Variants in RNF13 observed in about 807,000 individuals in gnomAD.
RNF13 encodes ring finger protein 13.
RNF13 carries 19 observed loss-of-function variants against 37.7 expected under a neutral mutation model. The ratio of observed to expected loss-of-function variants is 0.50; its 90% confidence interval spans 0.35 to 0.74. The LOEUF is 0.74. Among genes scored for constraint, RNF13 ranks in the 30% least tolerant of loss-of-function variants. The pLI is 0.01. For synonymous variants in RNF13, 144 were observed against 157.8 expected, an observed-to-expected ratio of 0.91 and a Z score of 0.65; for missense variants, 375 against 453.0, an observed-to-expected ratio of 0.83 and a Z score of 1.56.
intron 1 of RNF13, among the ~76,000 whole-genome samples, chr3:149,836,356 A>G (rs1262049981): frequency 6.6e-6 from 1 of 152,168 alleles, no homozygotes; most frequent in Non-Finnish European, 1.5e-5. Flanking sequence ...GATGCTCAAC[A>G]TCACTAATCA....
chr3:149,879,071 A>G lies in RNF13; in HGVS notation c.321+6917A>G, dbSNP rs547783232. On this transcript the variant is annotated intron_variant, in intron 4 of 9. Coordinates refer to ENST00000392894, the MANE Select transcript of RNF13 (RefSeq NM_183381.3). ...TTATAACTAGAAGTTTGAAGAGGCCAGGCTCCAGAACCATCCAGTATCTGT... is the reference window on the plus strand; with the variant it reads ...TTATAACTAGAAGTTTGAAGAGGCCGGGCTCCAGAACCATCCAGTATCTGT... Among the ~76,000 whole-genome samples the G allele has an allele frequency of 3.0e-4, 45 of 152,316 alleles. 1 individual carries two copies. In the South Asian group the frequency reaches 9.1e-3, roughly 31 times the overall value.
intron 8 of RNF13, among the ~76,000 whole-genome samples, chr3:149,955,815 C>T (rs71304497): frequency 0.031 from 4,698 of 152,226 alleles, 96 homozygotes; most frequent in Non-Finnish European, 0.042. Context: ...TTACTTGATA[C>T]CCGAACTAGT....
chr3:149,876,796 G>C (rs1441425575), intron 4 of RNF13, among the ~76,000 whole-genome samples: 1 of 20,502 alleles, frequency 4.9e-5, no homozygotes, highest in Admixed American at 4.5e-4. Context: ...TTTTTTTTTT[G>C]AGATGGAGTT....
chr3:149,890,246 T>C (rs1032153434), intron 4 of RNF13, among the ~76,000 whole-genome samples: 1 of 152,362 alleles, frequency 6.6e-6, no homozygotes, highest in East Asian at 1.9e-4. Context: ...CCTTTCCAAG[T>C]CAATGTAATC....
intron 1 of RNF13, among the ~76,000 whole-genome samples, chr3:149,816,531 T>C (rs535109950): frequency 3.3e-4 from 50 of 151,700 alleles, no homozygotes; most frequent in African/African-American, 1.1e-3. Flanking sequence ...TTTTTTTTTT[T>C]CATTGAGGAT....
intron 8 of RNF13, among the ~76,000 whole-genome samples, chr3:149,941,347 C>CA (rs1182742828): frequency 6.6e-6 from 1 of 152,060 alleles, no homozygotes; most frequent in African/African-American, 2.4e-5. Flanking sequence ...TCCACATGCT[C>CA]AACTTACATT....
chr3:149,917,706 G>A (rs930124767), intron 7 of RNF13, among the ~76,000 whole-genome samples: 2 of 152,102 alleles, frequency 1.3e-5, no homozygotes, highest in Non-Finnish European at 2.9e-5. Context: ...AACATTGTAT[G>A]TTATGGATTC....
chr3:149,950,704 G>T (rs1721242205), intron 8 of RNF13, among the ~76,000 whole-genome samples: 1 of 151,416 alleles, frequency 6.6e-6, no homozygotes. Flanking sequence ...TTCAACATCT[G>T]GAATCAAGCA....
intron 8 of RNF13, among the ~76,000 whole-genome samples, chr3:149,937,906 G>C (rs1422298222): frequency 6.6e-6 from 1 of 152,034 alleles, no homozygotes; most frequent in Admixed American, 6.5e-5. Context: ...TCTATTTCTT[G>C]TTGGATGATG....
chr3:149,846,230 A>G (rs1264424849), intron 2 of RNF13, 90 bp downstream of exon 2: 7 of 801,218 alleles, frequency 8.7e-6, no homozygotes, highest in African/African-American at 6.9e-5. Context: ...AGACATTGTT[A>G]TAAGACATTT....
At chr3:149,857,723 C>T (rs1484826541) in intron 3 of RNF13, among the ~76,000 whole-genome samples, 1 of 152,210 alleles carries the variant, frequency 6.6e-6, no homozygotes, top group Non-Finnish European at 1.5e-5. Flanking sequence ...CTTTCCCCAT[C>T]CCCTTCCCCC....
intron 5 of RNF13, among the ~76,000 whole-genome samples, chr3:149,899,602 A>G (rs905285034): frequency 6.6e-6 from 1 of 152,222 alleles, no homozygotes; most frequent in African/African-American, 2.4e-5. Context: ...GCCAACAGAG[A>G]GAACATTTAG....
intron 4 of RNF13, among the ~76,000 whole-genome samples, chr3:149,887,293 A>C (rs1158683499): frequency 6.6e-6 from 1 of 152,206 alleles, no homozygotes; most frequent in East Asian, 1.9e-4. Flanking sequence ...AGCTTGTCAG[A>C]AAATCAGTAA....
chr3:149,913,684 T>C (rs1408969441), intron 7 of RNF13, among the ~76,000 whole-genome samples: 1 of 152,222 alleles, frequency 6.6e-6, no homozygotes, highest in Non-Finnish European at 1.5e-5. Context: ...TCCTGTAGAA[T>C]GTCTCTCAAC....
chr3:149,934,523 A>G (rs1719487501), intron 8 of RNF13, among the ~76,000 whole-genome samples: 1 of 151,846 alleles, frequency 6.6e-6, no homozygotes, highest in Non-Finnish European at 1.5e-5. Flanking sequence ...TGTCCCATAG[A>G]TTTTGATATG....
intron 3 of RNF13, among the ~76,000 whole-genome samples, chr3:149,864,484 C>T (rs529832419): frequency 3.3e-5 from 5 of 152,102 alleles, no homozygotes; most frequent in Non-Finnish European, 7.4e-5. Context: ...GCAGTATAAA[C>T]GCACCAAGAC....
chr3:149,938,155 G>A (rs1719888272), intron 8 of RNF13, among the ~76,000 whole-genome samples: 1 of 151,090 alleles, frequency 6.6e-6, no homozygotes, highest in Non-Finnish European at 1.5e-5. Context: ...ATATAGTTAT[G>A]TATATATATA....
chr3:149,844,794 A>G (rs570181889), intron 1 of RNF13, among the ~76,000 whole-genome samples: 16 of 152,366 alleles, frequency 1.1e-4, no homozygotes, highest in African/African-American at 3.8e-4. Context: ...TTCTCACATT[A>G]TAAAATTCAA....
At chr3:149,907,895 A>G (rs973403613) in intron 6 of RNF13, among the ~76,000 whole-genome samples, 2 of 152,252 alleles carry the variant, frequency 1.3e-5, no homozygotes, top group African/African-American at 4.8e-5. Context: ...TTTTTTGATT[A>G]AGGAGAAACA....
Sources: allele counts gnomAD v4.1 joint callset (sites outside exome capture counted in the v4.1 genomes callset), GRCh38; gene constraint gnomAD v4.1.1; transcripts MANE v1.5; gene names NCBI Gene and HGNC (gene_info 2026-07-23, HGNC 2026-07-21).